CTNNA3: variants seen among roughly 807,000 people sequenced by gnomAD.
The protein encoded by CTNNA3 is catenin alpha 3.
CTNNA3 carries 76 observed loss-of-function variants against 95.7 expected under a neutral mutation model. That is an observed-to-expected ratio of 0.79 (90% confidence interval 0.66 to 0.96). The LOEUF (loss-of-function observed/expected upper bound fraction) is 0.96, where lower values mean the gene tolerates loss of function less well. CTNNA3 is among the 40% of genes least tolerant of loss of function. The pLI, the probability that CTNNA3 is intolerant of heterozygous loss-of-function variation, is 0.00. For missense variants in CTNNA3, 1,191 were observed against 1,089.8 expected (o/e 1.09, Z -1.31); for synonymous variants, 431 against 374.4 (o/e 1.15, Z -1.74).
intron 12 of CTNNA3, among the ~76,000 whole-genome samples, chr10:66,323,970 G>GGAGTTTAGTGGCT (rs2092222797): frequency 6.6e-6 from 1 of 151,894 alleles, no homozygotes; most frequent in Non-Finnish European, 1.5e-5. Flanking sequence ...CAACTCCAAG[G>GGAGTTTAGTGGCT]GAAGATCATC....
intron 5 of CTNNA3, among the ~76,000 whole-genome samples, chr10:67,303,972 T>G (rs1034005878): frequency 1.3e-5 from 2 of 152,208 alleles, no homozygotes; most frequent in African/African-American, 2.4e-5. Context: ...AAGCTATATT[T>G]CTTTATTTGC....
intron 12 of CTNNA3, among the ~76,000 whole-genome samples, chr10:66,326,069 GAACA>G (rs1564869145): frequency 6.6e-6 from 1 of 152,078 alleles, no homozygotes; most frequent in African/African-American, 2.4e-5. Context: ...TTTGTAAAAT[GAACA>G]AGCTCAATCC....
intron 5 of CTNNA3, among the ~76,000 whole-genome samples, chr10:67,355,711 C>A (rs532964454): frequency 1.3e-5 from 2 of 152,004 alleles, no homozygotes; most frequent in South Asian, 4.1e-4. Context: ...ATATAGAATG[C>A]CTTGAGATAT....
At chr10:66,951,424 T>A (rs1410179929) in intron 7 of CTNNA3, among the ~76,000 whole-genome samples, 1 of 152,162 alleles carries the variant, frequency 6.6e-6, no homozygotes, top group African/African-American at 2.4e-5. Flanking sequence ...CCCAACACCA[T>A]ATCTTTTAAA....
intron 7 of CTNNA3, among the ~76,000 whole-genome samples, chr10:67,105,052 C>T (rs774087980): frequency 1.3e-5 from 2 of 152,056 alleles, no homozygotes; most frequent in African/African-American, 2.4e-5. Context: ...AAAAATTACA[C>T]ATACCAAGGT....
chr10:66,076,800 T>C (rs569443905), intron 14 of CTNNA3, among the ~76,000 whole-genome samples: 1 of 151,898 alleles, frequency 6.6e-6, no homozygotes, highest in East Asian at 1.9e-4. Flanking sequence ...TTGAAAAAAT[T>C]ATGCCATTTA....
chr10:66,423,276 C>A (rs1342785348), intron 11 of CTNNA3, among the ~76,000 whole-genome samples: 1 of 152,074 alleles, frequency 6.6e-6, no homozygotes, highest in Non-Finnish European at 1.5e-5. Context: ...TTTTTTTCTT[C>A]TCCTGACTGC....
chr10:66,633,695 T>G (rs1417756163), intron 9 of CTNNA3, among the ~76,000 whole-genome samples: 1 of 152,004 alleles, frequency 6.6e-6, no homozygotes, highest in Non-Finnish European at 1.5e-5. Context: ...AAAAAATTAT[T>G]TACTTAAAAT....
intron 7 of CTNNA3, among the ~76,000 whole-genome samples, chr10:66,943,311 C>G (rs1289670040): frequency 1.3e-5 from 2 of 152,094 alleles, no homozygotes; most frequent in Admixed American, 6.6e-5. Flanking sequence ...TAGTTAATGA[C>G]TTTGAAGTGT....
At position 66,734,925 on chromosome 10, in the gene CTNNA3, T is replaced by G. The variant is rs1235805509; in HGVS notation, c.1281+31339A>C. ...ACATTACGGAATCTTTTTTAAGGCA[T>G]TTGCAATATATTCAGTGGCTAGCTT... On this transcript the variant is annotated intron_variant, in intron 9 of 17. Transcript: ENST00000433211. Among the ~76,000 whole-genome samples, 10 of 151,848 alleles carry G rather than the reference T, an allele frequency of 6.6e-5. No individual in the cohort carries two copies. In the East Asian group the frequency reaches 1.9e-3, roughly 29 times the overall value.
At chr10:66,111,713 C>G (rs886951201) in intron 13 of CTNNA3, among the ~76,000 whole-genome samples, 1 of 152,076 alleles carries the variant, frequency 6.6e-6, no homozygotes, top group Non-Finnish European at 1.5e-5. Context: ...TGGGATGTGT[C>G]AGGCAGAAGA....
chr10:65,994,019 T>A (rs2078596766), intron 15 of CTNNA3, among the ~76,000 whole-genome samples: 1 of 152,164 alleles, frequency 6.6e-6, no homozygotes, highest in Non-Finnish European at 1.5e-5. Flanking sequence ...AAGGTCTGAG[T>A]CACCAAGCTA....
At chr10:66,304,234 T>C (rs1375687367) in intron 12 of CTNNA3, among the ~76,000 whole-genome samples, 1 of 152,104 alleles carries the variant, frequency 6.6e-6, no homozygotes, top group Non-Finnish European at 1.5e-5. Context: ...TGGCCAACAA[T>C]TCAAAAAATC....
chr10:67,349,405 C>A (rs1039999606), intron 5 of CTNNA3, among the ~76,000 whole-genome samples: 11 of 152,050 alleles, frequency 7.2e-5, no homozygotes, highest in African/African-American at 2.7e-4. Flanking sequence ...ATATATGACA[C>A]CAGAGATGAC....
intron 9 of CTNNA3, among the ~76,000 whole-genome samples, chr10:66,729,939 C>T (rs1848903544): frequency 6.6e-6 from 1 of 151,324 alleles, no homozygotes; most frequent in Non-Finnish European, 1.5e-5. Context: ...CCTGTCTCTA[C>T]TAAAAATACA....
intron 5 of CTNNA3, among the ~76,000 whole-genome samples, chr10:67,421,409 T>C (rs1019466865): frequency 6.6e-6 from 1 of 152,226 alleles, no homozygotes; most frequent in African/African-American, 2.4e-5. Context: ...TTGTTTTTGT[T>C]TTGTAGACCA....
chr10:67,559,103 A>C (rs932551810), intron 3 of CTNNA3, among the ~76,000 whole-genome samples: 21 of 152,312 alleles, frequency 1.4e-4, no homozygotes, highest in African/African-American at 5.1e-4. Context: ...TGCAGACTTA[A>C]ATGTCCCTGT....
chr10:66,829,449 C>T, intron 7 of CTNNA3, among the ~76,000 whole-genome samples: 1 of 151,828 alleles, frequency 6.6e-6, no homozygotes, highest in East Asian at 1.9e-4. Flanking sequence ...TCTCTCTTTA[C>T]TAAAAGTACA....
chr10:67,454,601 C>G (rs1160120056), intron 5 of CTNNA3, among the ~76,000 whole-genome samples: 1 of 152,138 alleles, frequency 6.6e-6, no homozygotes, highest in Non-Finnish European at 1.5e-5. Context: ...TCCAATCTCA[C>G]TTTGTTCTTG....
Sources: gnomAD v4.1 joint callset for allele counts (sites outside exome capture counted in the v4.1 genomes callset) on GRCh38, gnomAD v4.1.1 for gene constraint, MANE v1.5 for transcripts, NCBI Gene and HGNC (gene_info 2026-07-23, HGNC 2026-07-21) for gene names.